The following ZNF778 variants were observed in gnomAD, a reference collection of about 807,000 sequenced individuals.
ZNF778 encodes the protein zinc finger protein 778.
Under a neutral mutation model 23.9 loss-of-function variants are expected in ZNF778, and 37 were observed. That is an observed-to-expected ratio of 1.54 (90% CI 1.19 to 2.03). The LOEUF (loss-of-function observed/expected upper bound fraction) is 2.03, where lower values mean the gene tolerates loss of function less well. Among genes scored for constraint, ZNF778 ranks in the 30% most tolerant of loss-of-function variants. The pLI is 0.00. For synonymous variants in ZNF778, 483 were observed against 343.9 expected (o/e 1.40, Z -4.48); for missense variants, 1,297 against 934.4 (o/e 1.39, Z -5.06).
In ZNF778 at chr16:89,223,119, A is replaced by T. The variant is rs1475474425; in HGVS notation, c.118-38A>T. 3 of 1,600,836 alleles carry T rather than the reference A, an allele frequency of 1.9e-6. No homozygotes were observed. The East Asian group carries it at 6.7e-5, about 36-fold the overall frequency. On this transcript the variant is annotated intron_variant, in intron 3 of 6. Coordinates refer to ENST00000433976, the MANE Select transcript of ZNF778 (RefSeq NM_001201407.2). Reference sequence around the variant, plus strand: ...CATTCTTCAGTGAATACCGATGGACACGTTGGAAGGCTCCAACCGTCATGT... The same window carrying T: ...CATTCTTCAGTGAATACCGATGGACTCGTTGGAAGGCTCCAACCGTCATGT...
At position 89,232,635 on chromosome 16, in the gene ZNF778, TA is replaced by T; in HGVS notation, c.*4075del. The T allele has an allele frequency of 9.1e-7, 1 of 1,096,654 alleles. No homozygotes were observed. The highest frequency in any genetic ancestry group is 1.1e-6 in the Non-Finnish European group (1 of 905,474). 67.9% of individuals were successfully genotyped at this position (1,096,654 alleles called of 1,614,324 possible). ...TAAAATATTAAAGGACCAATTGTAT[TA>T]ATTATGTTTTTTTTTTTTTTGTTAG... On this transcript the variant is annotated 3_prime_UTR_variant, in exon 7 of 7. Coordinates refer to ENST00000433976, the MANE Select transcript of ZNF778 (RefSeq NM_001201407.2).
chr16:89,235,480 G>C lies in ZNF778; in HGVS notation c.*6918G>C, dbSNP rs1347958335. The C allele has an allele frequency of 6.6e-6, 1 of 152,180 alleles. No individual in the cohort carries two copies. The highest frequency in any genetic ancestry group is 1.5e-5 in the Non-Finnish European group (1 of 68,048). 9.4% of individuals were successfully genotyped at this position (152,180 alleles called of 1,614,324 possible). A position where few individuals can be genotyped will look rare whatever the true frequency, so the allele number is the denominator to read the frequency against. On this transcript the variant is annotated 3_prime_UTR_variant, in exon 7 of 7. Transcript: ENST00000433976. ...GAAGAGACATGAGCAGTTCTGCGTA[G>C]GCTTTAAGACAGAATCAACATGGAA...
rs1052862248 is a variant in ZNF778, at chr16:89,235,975, A to C, written c.*7413A>C. 1.4e-5 allele frequency: 2 copies of C among 147,782 alleles called. No homozygotes were observed. Among genetic ancestry groups the C allele is most frequent in the Non-Finnish European group, 3.0e-5 (2 of 67,344 alleles). 9.2% of individuals were successfully genotyped at this position (147,782 alleles called of 1,614,324 possible). On this transcript the variant is annotated 3_prime_UTR_variant, in exon 7 of 7. Transcript: ENST00000433976. ...AGATCATGACCATCCTGGCCAACAC[A>C]GTGAAACCTCGTCTCTAGTAAAAAA...
In ZNF778 at chr16:89,218,175, G is replaced by C. The variant is rs576413467; in HGVS notation, c.-132+265G>C. On this transcript the variant is annotated intron_variant, in intron 1 of 6. Transcript: ENST00000433976. ...TGCGGCCGTTGTCCCGCTGGTCTTG[G>C]AGTAATCGAATCCACGGTGAACAGT... 5 of 152,342 alleles carry C rather than the reference G, an allele frequency of 3.3e-5. No individual in the cohort carries two copies. The East Asian group carries it at 9.7e-4, about 29-fold the overall frequency. 9.4% of individuals were successfully genotyped at this position (152,342 alleles called of 1,614,324 possible).
chr16:89,220,302 A>G (rs1001622475), intron 1 of ZNF778, among the ~76,000 whole-genome samples: 1 of 152,228 alleles, frequency 6.6e-6, no homozygotes, highest in Non-Finnish European at 1.5e-5. Context: ...AGAATAAGAA[A>G]GTACAGCTCT....
At position 89,227,516 on chromosome 16, in the gene ZNF778, A is replaced by G. The variant is rs768626999; in HGVS notation, c.1228A>G (p.Asn410Asp). Residue 410 changes from asparagine to aspartate, a missense_variant, in exon 7 of 7, where the codon AAT becomes GAT. Coordinates refer to ENST00000433976, the MANE Select transcript of ZNF778 (RefSeq NM_001201407.2). ...KYFRNSSCLN[N>D]HVRIHTGIKP... ...TTTTAGAAATTCCTCATGCCTTAAT[A>G]ATCATGTTCGAATTCACACTGGAAT... 6.2e-7 allele frequency: 1 copy of G among 1,614,008 alleles called. No individual in the cohort carries two copies. The highest frequency in any genetic ancestry group is 1.7e-5 in the Admixed American group (1 of 60,006).
Position 89,227,794 on chromosome 16 carries a change from G to C in ZNF778, c.1506G>C (p.Glu502Asp), listed in dbSNP as rs1450381710. The C allele has an allele frequency of 6.2e-7, 1 of 1,613,910 alleles. No individual in the cohort carries two copies. The highest frequency in any genetic ancestry group is 8.5e-7 in the Non-Finnish European group (1 of 1,179,878). Residue 502 changes from glutamate to aspartate, a missense_variant, in exon 7 of 7, where the codon GAG (glutamate) becomes GAC (aspartate). By Grantham distance (45) the Glu-to-Asp change is conservative (BLOSUM62 2). Coordinates refer to ENST00000433976, the MANE Select transcript of ZNF778 (RefSeq NM_001201407.2). The part of the protein sequence containing the change: ...LTEHARIHTG[E>D]KPYECKQCGK... The stretch of plus-strand genomic sequence containing the variant: ...AGCACGCGAGAATCCATACCGGAGA[G>C]AAACCCTACGAATGTAAGCAGTGTG...
rs2031563566 is a variant in ZNF778 at position 89,227,266 on chromosome 16, A to G, written c.978A>G (p.Gln326=). Residue 326 remains glutamine, a synonymous_variant, in exon 7 of 7, where the codon CAA becomes CAG. Transcript: ENST00000433976. ...KASPVSSSLT[Q]HVRIHAAEKP... The stretch of plus-strand genomic sequence containing the variant: ...CCCCTGTTTCTTCCAGCCTAACTCA[A>G]CATGTAAGAATTCATGCTGCAGAGA... 6.2e-7 allele frequency: 1 copy of G among 1,613,816 alleles called. No individual in the cohort carries two copies. Among genetic ancestry groups the G allele is most frequent in the South Asian group, 1.1e-5 (1 of 91,088 alleles).
intron 4 of ZNF778, 26 bp from the exon 5 acceptor site, chr16:89,224,693 A>G (rs1472313598): frequency 6.6e-7 from 1 of 1,513,802 alleles, no homozygotes; most frequent in African/African-American, 1.4e-5. Context: ...AGCCTCTTCC[A>G]TCGATGTCTC....
At chr16:89,220,379 G>C (rs771062467) in intron 1 of ZNF778, among the ~76,000 whole-genome samples, 18 of 152,218 alleles carry the variant, frequency 1.2e-4, no homozygotes, top group Admixed American at 2.6e-4. Flanking sequence ...AGACCGGGGC[G>C]GGGCACGGTG....
In ZNF778 at chr16:89,224,751, T is replaced by A; in HGVS notation, c.277T>A (p.Trp93Arg). The A allele has an allele frequency of 6.5e-7, 1 of 1,535,322 alleles. No homozygotes were observed. Among genetic ancestry groups the A allele is most frequent in the East Asian group, 2.5e-5 (1 of 40,784 alleles). The stretch of plus-strand genomic sequence containing the variant: ...CCTGTTCCAACCCAGTGTGATCTAT[T>A]GGCTGGAGCAGGAAGAGGAGTTGAG... The part of the protein sequence containing the change: ...HHLFQPSVIY[W>R]LEQEEELRAG... Residue 93 changes from tryptophan (W) to arginine (R), a missense_variant, in exon 5 of 7, where the codon TGG becomes AGG. Trp to Arg is a moderately radical substitution (Grantham distance 101, BLOSUM62 -3). Coordinates refer to ENST00000433976, the MANE Select transcript of ZNF778 (RefSeq NM_001201407.2).
chr16:89,222,755 C>G (rs185904518), intron 3 of ZNF778, among the ~76,000 whole-genome samples: 3 of 152,344 alleles, frequency 2.0e-5, no homozygotes, highest in East Asian at 1.9e-4. Context: ...GGGAAGGTAT[C>G]CTCTCTGGGA....
Position 89,229,889 on chromosome 16 carries a change from G to A in ZNF778, c.*1327G>A, listed in dbSNP as rs2031820511. 9.2e-6 allele frequency: 9 copies of A among 983,078 alleles called. No homozygotes were observed. Among genetic ancestry groups the A allele is most frequent in the African/African-American group, 8.8e-5 (5 of 57,060 alleles). 60.9% of individuals were successfully genotyped at this position (983,078 alleles called of 1,614,324 possible). A position where few individuals can be genotyped will look rare whatever the true frequency, so the allele number is the denominator to read the frequency against. On this transcript the variant is annotated 3_prime_UTR_variant, in exon 7 of 7. Coordinates refer to ENST00000433976, the MANE Select transcript of ZNF778 (RefSeq NM_001201407.2). ...CTTGAGGATCCAGATGTGATCCTGT[G>A]TGAGCAGCGTAGGCTCTGGTTGGTT...
At chr16:89,219,500 T>G (rs764599278) in intron 1 of ZNF778, among the ~76,000 whole-genome samples, 5 of 152,230 alleles carry the variant, frequency 3.3e-5, no homozygotes, top group Non-Finnish European at 7.3e-5. Flanking sequence ...CCTTCTCTAC[T>G]CTGTCCTGGT....
Position 89,221,054 on chromosome 16 carries a change from A to G in ZNF778, c.-74A>G. ...GGAATGGAGACTGTACCTTCCACAT[A>G]GATTCACAAGCTGCCCTGCAGTGGC... On this transcript the variant is annotated 5_prime_UTR_variant, in exon 2 of 7. In the 5' UTR this introduces an upstream ATG that the reference lacks. Coordinates refer to ENST00000433976, the MANE Select transcript of ZNF778 (RefSeq NM_001201407.2). 1 of 1,523,266 alleles carries G rather than the reference A, an allele frequency of 6.6e-7. No homozygotes were observed. Among genetic ancestry groups the G allele is most frequent in the Non-Finnish European group, 8.9e-7 (1 of 1,122,110 alleles). The allele number at this position is 1,523,266 out of a possible 1,614,324, so 94.4% of individuals were successfully genotyped here. A position where few individuals can be genotyped will look rare whatever the true frequency, so the allele number is the denominator to read the frequency against.
rs1455452614 is a variant in ZNF778, at chr16:89,230,669, G to A, written c.*2107G>A. On this transcript the variant is annotated 3_prime_UTR_variant, in exon 7 of 7. Transcript: ENST00000433976. ...ACACAGTGGCAGAGCAAGACTTCAT[G>A]TGAGTGACACGAATGTGTGTCCTCT... 1 of 152,246 alleles carries A rather than the reference G, an allele frequency of 6.6e-6. No homozygotes were observed. The highest frequency in any genetic ancestry group is 1.5e-5 in the Non-Finnish European group (1 of 68,060). 9.4% of individuals were successfully genotyped at this position (152,246 alleles called of 1,614,324 possible).
intron 4 of ZNF778, chr16:89,224,501 C>T (rs1417854610): frequency 4.2e-5 from 19 of 447,986 alleles, no homozygotes; most frequent in South Asian, 3.1e-4. Flanking sequence ...CACCTATAGT[C>T]CCAGCTACTT....
chr16:89,225,756 G>A, intron 6 of ZNF778, 125 bp downstream of exon 6: 1 of 860,522 alleles, frequency 1.2e-6, no homozygotes. Flanking sequence ...GGGGTTGTCT[G>A]TAGAGAACAC....
At chr16:89,224,917 A>G in intron 5 of ZNF778, 115 bp downstream of exon 5, 1 of 739,650 alleles carries the variant, frequency 1.4e-6, no homozygotes, top group Non-Finnish European at 2.3e-6. Context: ...CTGTGGGAGG[A>G]TCCTGAGTGT....
Sources: gnomAD v4.1 joint callset for allele counts (sites outside exome capture counted in the v4.1 genomes callset) on GRCh38, gnomAD v4.1.1 for gene constraint, MANE v1.5 for transcripts, NCBI Gene and HGNC (gene_info 2026-07-23, HGNC 2026-07-21) for gene names.